STPG2: variants seen among roughly 807,000 people sequenced by gnomAD.
STPG2 encodes sperm-tail PG-rich repeat-containing protein 2.
STPG2 carries 56 observed loss-of-function variants against 54.2 expected under a neutral mutation model. The observed-to-expected ratio is 1.03, with a 90% CI of 0.83 to 1.29. The LOEUF is 1.29. Among genes scored for constraint, STPG2 ranks in the 50% most tolerant of loss-of-function variants. The probability of loss-of-function intolerance (pLI) is 0.00; values close to 1 mark genes in which losing one functional copy is unlikely to be tolerated. For missense variants in STPG2, 596 were observed against 544.9 expected, an observed-to-expected ratio of 1.09 and a Z score of -0.93; for synonymous variants, 200 against 181.8, an observed-to-expected ratio of 1.10 and a Z score of -0.81.
intron 4 of STPG2, among the ~76,000 whole-genome samples, chr4:97,510,018 T>A (rs1046681199): frequency 6.6e-6 from 1 of 151,998 alleles, no homozygotes; most frequent in Non-Finnish European, 1.5e-5. Flanking sequence ...TGCCAAAAGA[T>A]TGGGGACCAC....
chr4:97,988,392 GGTCAA>G (rs1188745154), intron 5 of STPG2, among the ~76,000 whole-genome samples: 2 of 152,052 alleles, frequency 1.3e-5, no homozygotes, highest in African/African-American at 2.4e-5. Context: ...GCTCCAGAAA[GGTCAA>G]GTCATTTTCT....
intron 9 of STPG2, among the ~76,000 whole-genome samples, chr4:97,832,431 AAGCATTCCCTTTGAAAACTGGC>A (rs1376512815): frequency 6.6e-6 from 1 of 152,196 alleles, no homozygotes; most frequent in Non-Finnish European, 1.5e-5. Context: ...CAAAAACTGG[AAGCATTCCCTTTGAAAACTGGC>A]ATAAGGCAAG....
At chr4:97,716,558 A>G (rs1724294203) in intron 9 of STPG2, among the ~76,000 whole-genome samples, 1 of 152,110 alleles carries the variant, frequency 6.6e-6, no homozygotes, top group Non-Finnish European at 1.5e-5. Context: ...AGGGACATGG[A>G]TGAAGCTGGA....
At chr4:97,557,854 T>C (rs1270789642), downstream of STPG2, among the ~76,000 whole-genome samples, 1 of 152,202 alleles carries the variant, frequency 6.6e-6, no homozygotes, top group African/African-American at 2.4e-5. Context: ...TAGCAGATAC[T>C]AAGAGTTTCT....
intron 4 of STPG2, among the ~76,000 whole-genome samples, chr4:97,487,330 T>C (rs1730393537): frequency 6.6e-6 from 1 of 151,320 alleles, no homozygotes; most frequent in Non-Finnish European, 1.5e-5. Flanking sequence ...AAAGGAAACT[T>C]ATAGTAAAGA....
chr4:97,834,822 T>A (rs540289666), intron 9 of STPG2, among the ~76,000 whole-genome samples: 1 of 151,964 alleles, frequency 6.6e-6, no homozygotes. Context: ...GCCCTGACCA[T>A]ACCTACACTT....
At chr4:97,995,633 G>C (rs1435851065) in intron 5 of STPG2, among the ~76,000 whole-genome samples, 2 of 152,116 alleles carry the variant, frequency 1.3e-5, no homozygotes, top group African/African-American at 4.8e-5. Context: ...TCAAAGGGAA[G>C]GCACTAAAAA....
intron 10 of STPG2, among the ~76,000 whole-genome samples, chr4:97,567,546 C>G (rs1006064036): frequency 5.3e-5 from 8 of 151,256 alleles, no homozygotes; most frequent in African/African-American, 1.7e-4. Flanking sequence ...GAGATTTGCA[C>G]AAGGCTATTA....
chr4:98,089,692 C>T (rs1017403145), intron 5 of STPG2, among the ~76,000 whole-genome samples: 6 of 148,624 alleles, frequency 4.0e-5, no homozygotes, highest in African/African-American at 1.2e-4. Context: ...ATTCCCTTTT[C>T]GCTAGATCCA....
intron 10 of STPG2, among the ~76,000 whole-genome samples, chr4:97,675,479 G>A (rs1722810589): frequency 6.6e-6 from 1 of 152,086 alleles, no homozygotes; most frequent in African/African-American, 2.4e-5. Context: ...AAAAAACTCT[G>A]TATTCCCTAT....
At chr4:97,999,257 A>C (rs147575172) in intron 5 of STPG2, among the ~76,000 whole-genome samples, 5 of 152,356 alleles carry the variant, frequency 3.3e-5, no homozygotes, top group African/African-American at 4.8e-5. Flanking sequence ...TTTCAAAAAC[A>C]ACATAGCTTG....
chr4:97,684,514 C>T lies in STPG2; in HGVS notation c.1320+28185G>A, dbSNP rs537821178. Among the ~76,000 whole-genome samples the T allele has an allele frequency of 1.6e-3, 243 of 151,786 alleles. 1 individual carries two copies. Among genetic ancestry groups the T allele is most frequent in the African/African-American group, 5.4e-3 (226 of 41,472 alleles). On this transcript the variant is annotated intron_variant, in intron 10 of 10. Coordinates refer to ENST00000295268, the MANE Select transcript of STPG2 (RefSeq NM_174952.3). ...TCTTTTCAACAAAGAAAAATGGTTCCGGAAAAAGTGGACATTCACACGCAA... is the reference window on the plus strand; with the variant it reads ...TCTTTTCAACAAAGAAAAATGGTTCTGGAAAAAGTGGACATTCACACGCAA...
chr4:97,683,267 C>T (rs1337304493), intron 10 of STPG2, among the ~76,000 whole-genome samples: 1 of 151,714 alleles, frequency 6.6e-6, no homozygotes, highest in African/African-American at 2.4e-5. Flanking sequence ...GGAAGCTATT[C>T]AACAGTCATT....
chr4:98,103,332 T>C (rs978217890), intron 5 of STPG2, among the ~76,000 whole-genome samples: 21 of 152,106 alleles, frequency 1.4e-4, no homozygotes, highest in African/African-American at 4.6e-4. Context: ...TAACCTATCA[T>C]GACCATCTTT....
At chr4:97,896,588 C>T (rs1449255521) in intron 8 of STPG2, among the ~76,000 whole-genome samples, 14 of 151,432 alleles carry the variant, frequency 9.2e-5, no homozygotes, top group African/African-American at 2.9e-4. Context: ...GGATGGTTGC[C>T]GAATTTAAAT....
chr4:97,569,848 G>T (rs1367175308), intron 10 of STPG2, among the ~76,000 whole-genome samples: 2 of 151,968 alleles, frequency 1.3e-5, no homozygotes, highest in East Asian at 1.9e-4. Flanking sequence ...AAAAGGAAAT[G>T]ATATCTATAC....
chr4:97,774,296 C>T (rs1726307887), intron 9 of STPG2, among the ~76,000 whole-genome samples: 1 of 152,074 alleles, frequency 6.6e-6, no homozygotes, highest in Non-Finnish European at 1.5e-5. Context: ...CCATATTTCA[C>T]AATGTCTGGG....
intron 10 of STPG2, among the ~76,000 whole-genome samples, chr4:97,592,170 A>C (rs1733161654): frequency 6.6e-6 from 1 of 152,060 alleles, no homozygotes; most frequent in Admixed American, 6.5e-5. Flanking sequence ...AAATTGGTAA[A>C]ATTTTTTAAT....
intron 9 of STPG2, among the ~76,000 whole-genome samples, chr4:97,816,455 C>T (rs1450323947): frequency 4.6e-5 from 7 of 152,190 alleles, no homozygotes; most frequent in Non-Finnish European, 8.8e-5. Context: ...GGAATCACCA[C>T]ACTGTCTTCC....
Sources: gnomAD v4.1 joint callset for allele counts (sites outside exome capture counted in the v4.1 genomes callset) on GRCh38, gnomAD v4.1.1 for gene constraint, MANE v1.5 for transcripts, NCBI Gene and HGNC (gene_info 2026-07-23, HGNC 2026-07-21) for gene names.